Variants in PCDHGB5 observed in about 807,000 individuals in gnomAD.
PCDHGB5 encodes the protein protocadherin gamma-B5.
In PCDHGB5, 48 loss-of-function variants were observed where a neutral mutation model predicts 62.9. That is an observed-to-expected ratio of 0.76 (90% CI 0.61 to 0.97). The LOEUF is 0.97. Among genes scored for constraint, PCDHGB5 ranks in the 50% least tolerant of loss-of-function variants. PCDHGB5 has a pLI of 0.00. For synonymous variants in PCDHGB5, 474 were observed against 511.2 expected, an observed-to-expected ratio of 0.93 and a Z score of 0.98; for missense variants, 1,118 against 1,198.6, an observed-to-expected ratio of 0.93 and a Z score of 0.99.
intron 1 of PCDHGB5, among the ~76,000 whole-genome samples, chr5:141,461,376 T>C (rs2099014225): frequency 6.6e-6 from 1 of 152,184 alleles, no homozygotes; most frequent in South Asian, 2.1e-4. Context: ...AATTTGCATT[T>C]TCCTGATGAT....
chr5:141,410,329 G>A, intron 1 of PCDHGB5: 4 of 1,613,982 alleles, frequency 2.5e-6, no homozygotes, highest in Non-Finnish European at 3.4e-6. Flanking sequence ...CCGTGATTCT[G>A]GCCATTGCCT....
rs1043628660 is a variant in PCDHGB5, at chr5:141,478,879, G to A, written c.2398-15928G>A. On this transcript the variant is annotated intron_variant, in intron 1 of 3. Coordinates refer to ENST00000617380, the MANE Select transcript of PCDHGB5 (RefSeq NM_018925.3). ...GATCTCAGCGATCAGAGTTTAGCTT[G>A]GTATCATTTACATTAGGAATAAGCT... is the stretch of plus-strand genomic sequence containing the variant. 9 of 1,243,630 alleles carry A rather than the reference G, an allele frequency of 7.2e-6. No homozygotes were observed. The African/African-American group carries it at 1.1e-4, about 15-fold the overall frequency. The allele number at this position is 1,243,630 out of a possible 1,614,324, so 77.0% of individuals were successfully genotyped here.
chr5:141,410,849 CTTTTTTTTT>C (rs759346998), intron 1 of PCDHGB5: 2 of 136,714 alleles, frequency 1.5e-5, no homozygotes, highest in African/African-American at 6.3e-5. Context: ...TTGTCTTTGT[CTTTTTTTTT>C]TTTTTTTTTT....
At chr5:141,475,282 G>C (rs942761003) in intron 1 of PCDHGB5, among the ~76,000 whole-genome samples, 2 of 152,150 alleles carry the variant, frequency 1.3e-5, no homozygotes, top group African/African-American at 4.8e-5. Context: ...TGAAAGACAG[G>C]GTAGGGAAAT....
At chr5:141,419,674 C>A (rs372932653) in intron 1 of PCDHGB5, 1 of 1,612,938 alleles carries the variant, frequency 6.2e-7, no homozygotes, top group Non-Finnish European at 8.5e-7. Flanking sequence ...CCTGGCTGTC[C>A]TACCACGTGG....
rs141873183 is a variant in PCDHGB5 at position 141,511,011 on chromosome 5, C to T, written c.2610C>T (p.Tyr870=). The T allele has an allele frequency of 1.5e-5, 24 of 1,614,082 alleles. No individual in the cohort carries two copies. Among genetic ancestry groups the T allele is most frequent in the Middle Eastern group, 1.6e-4 (1 of 6,084 alleles). Residue 870 remains tyrosine (Y), a synonymous_variant, in exon 4 of 4, where the codon TAC becomes TAT. Transcript: ENST00000617380. ...GAGTMGLSAR[Y]GPQFTLQHVP... The stretch of plus-strand genomic sequence containing the variant: ...GCACCATGGGATTGAGCGCCCGCTA[C>T]GGACCCCAGTTCACCCTGCAGCACG...
intron 1 of PCDHGB5, chr5:141,402,866 T>A (rs1339290452): frequency 4.2e-6 from 6 of 1,442,196 alleles, no homozygotes; most frequent in Non-Finnish European, 5.5e-6. Context: ...AAGGAAAAGA[T>A]CACCATACTT....
rs2096663485 is a variant in PCDHGB5, at chr5:141,422,674, A to G, written c.2397+22150A>G. 3 of 1,606,698 alleles carry G rather than the reference A, an allele frequency of 1.9e-6. No individual in the cohort carries two copies. The East Asian group carries it at 6.7e-5, about 36-fold the overall frequency. On this transcript the variant is annotated intron_variant, in intron 1 of 3. Transcript: ENST00000617380. ...AGTGACCGCCCTCGACCCGGACAGC[A>G]AACAGAATGCCCTGGTCACTTACTC...
rs182905441 is a variant in PCDHGB5, at chr5:141,450,871, C to A, written c.2398-43936C>A. Among the ~76,000 whole-genome samples, 581 of 149,672 alleles carry A rather than the reference C, an allele frequency of 3.9e-3. 6 individuals carry two copies. Among genetic ancestry groups the A allele is most frequent in the Admixed American group, 0.011 (168 of 14,998 alleles). ...ATGGGGTCTTGCTCTGTCACCCAGGCTGGTGTGCAGTGGTGCGATATCGGC... is the reference window on the plus strand; with the variant it reads ...ATGGGGTCTTGCTCTGTCACCCAGGATGGTGTGCAGTGGTGCGATATCGGC... On this transcript the variant is annotated intron_variant, in intron 1 of 3. Coordinates refer to ENST00000617380, the MANE Select transcript of PCDHGB5 (RefSeq NM_018925.3).
Position 141,431,428 on chromosome 5 carries a change from A to G in PCDHGB5, c.2397+30904A>G. The stretch of plus-strand genomic sequence containing the variant: ...CCGACGGGGGCGACCCGGTGCGCAC[A>G]GGCACCGCGCGCATCCGCGTGATGG... On this transcript the variant is annotated intron_variant, in intron 1 of 3. Transcript: ENST00000617380. This position sits in a 1 kb window ranked among gnomAD's most constrained non-coding sequence, Gnocchi z 4.8. The G allele has an allele frequency of 6.2e-7, 1 of 1,613,664 alleles. No individual in the cohort carries two copies. Among genetic ancestry groups the G allele is most frequent in the Non-Finnish European group, 8.5e-7 (1 of 1,179,998 alleles).
chr5:141,407,317 T>G (rs1268885358), intron 1 of PCDHGB5, among the ~76,000 whole-genome samples: 1 of 152,198 alleles, frequency 6.6e-6, no homozygotes, highest in Non-Finnish European at 1.5e-5. Flanking sequence ...TCATACTTAG[T>G]ATTTATAAAT....
intron 1 of PCDHGB5, chr5:141,415,744 T>TTTG (rs2095926305): frequency 2.5e-6 from 1 of 404,416 alleles, no homozygotes; most frequent in South Asian, 6.6e-5. Context: ...ATTAAGGTTT[T>TTTG]TTTTTTTTTT....
intron 1 of PCDHGB5, among the ~76,000 whole-genome samples, chr5:141,444,933 G>A (rs1004890599): frequency 3.3e-5 from 5 of 152,152 alleles, no homozygotes; most frequent in African/African-American, 1.2e-4. Context: ...AAAGAGGGAA[G>A]GAGGGAGGAG....
chr5:141,427,832 T>C, intron 1 of PCDHGB5: 1 of 1,540,264 alleles, frequency 6.5e-7, no homozygotes, highest in Non-Finnish European at 8.9e-7. Flanking sequence ...TCGCGCAGCG[T>C]GCCTTCGACC....
At chr5:141,436,181 T>C (rs1050736907) in intron 1 of PCDHGB5, among the ~76,000 whole-genome samples, 2 of 152,092 alleles carry the variant, frequency 1.3e-5, no homozygotes, top group African/African-American at 4.8e-5. Flanking sequence ...TCATATATAG[T>C]CAAATAGAAA....
At chr5:141,448,086 TA>T (rs558292628) in intron 1 of PCDHGB5, among the ~76,000 whole-genome samples, 67 of 146,274 alleles carry the variant, frequency 4.6e-4, no homozygotes, top group African/African-American at 8.0e-4. Context: ...AATGCCATCT[TA>T]AAAAAAAAAA....
In PCDHGB5 at chr5:141,490,858, G is replaced by C. The variant is rs775132338; in HGVS notation, c.2398-3949G>C. On this transcript the variant is annotated intron_variant, in intron 1 of 3. Coordinates refer to ENST00000617380, the MANE Select transcript of PCDHGB5 (RefSeq NM_018925.3). The surrounding 1 kb of genome is among the most constrained non-coding windows in gnomAD (Gnocchi z 5.4). ...GATTGTGGTGGGGGTTCGAGACTCC[G>C]GCTCTCCCCCATTGCATGCCAACAC... The C allele has an allele frequency of 1.5e-5, 24 of 1,613,704 alleles. 1 individual carries two copies. Among genetic ancestry groups the C allele is most frequent in the Non-Finnish European group, 2.0e-5 (24 of 1,179,918 alleles).
At position 141,457,041 on chromosome 5, in the gene PCDHGB5, A is replaced by T. The variant is rs151212070; in HGVS notation, c.2398-37766A>T. On this transcript the variant is annotated intron_variant, in intron 1 of 3. Transcript: ENST00000617380. ...AAGTCCTAGTAGACTCAGTGATAGT[A>T]AAACTTTCATGCTTCCTTTTTGCCA... 2.3e-4 allele frequency among the ~76,000 whole-genome samples: 35 copies of T among 152,360 alleles called. No individual in the cohort carries two copies. In the East Asian group the frequency reaches 6.4e-3, roughly 28 times the overall value.
At chr5:141,438,630 A>ATG (rs2098034686) in intron 1 of PCDHGB5, among the ~76,000 whole-genome samples, 1 of 38,920 alleles carries the variant, frequency 2.6e-5, no homozygotes, top group Non-Finnish European at 4.2e-5. Flanking sequence ...ATATATATAT[A>ATG]TATATACACA....
Sources: allele counts gnomAD v4.1 joint callset (sites outside exome capture counted in the v4.1 genomes callset), GRCh38; gene constraint gnomAD v4.1.1; non-coding constraint Gnocchi (gnomAD v3.1); transcripts MANE v1.5; gene names NCBI Gene and HGNC (gene_info 2026-07-23, HGNC 2026-07-21).